Variants in ZNF182 observed in about 807,000 individuals in gnomAD.
ZNF182 encodes the protein zinc finger protein 21 (KOX 14).
Under a neutral mutation model 28.1 loss-of-function variants are expected in ZNF182, and 10 were observed. That is an observed-to-expected ratio of 0.36 (90% confidence interval 0.22 to 0.60). The LOEUF (loss-of-function observed/expected upper bound fraction) is 0.60. Ranked by LOEUF, ZNF182 falls within the 20% of genes least tolerant of loss-of-function variation. ZNF182 has a pLI of 0.75. For synonymous variants in ZNF182, 156 were observed against 158.7 expected, an observed-to-expected ratio of 0.98 and a Z score of 0.13; for missense variants, 352 against 453.2, an observed-to-expected ratio of 0.78 and a Z score of 2.03.
Position 47,986,606 on chromosome X carries a change from T to C in ZNF182, c.16-3195A>G, listed in dbSNP as rs782375212. Among the ~76,000 whole-genome samples, 193 of 112,036 alleles carry C rather than the reference T, an allele frequency of 1.7e-3. 3 individuals are homozygous for C. The Admixed American group carries it at 0.018, about 10-fold the overall frequency. On this transcript the variant is annotated intron_variant, in intron 3 of 5. Transcript: ENST00000376943. ...AGGGGTAGACTTATAATGGTTAATA[T>C]TGAGTGTCAACTTGATTGGATTGAA...
intron 3 of ZNF182, among the ~76,000 whole-genome samples, chrX:47,989,915 G>T (rs1236793881): frequency 9.0e-6 from 1 of 111,285 alleles, no homozygotes; most frequent in Non-Finnish European, 1.9e-5. Flanking sequence ...AGACTGGCCA[G>T]CCCCACTCTT....
At chrX:47,999,934 G>A (rs962539667) in intron 3 of ZNF182, among the ~76,000 whole-genome samples, 10 of 110,102 alleles carry the variant, frequency 9.1e-5, no homozygotes, top group Non-Finnish European at 1.5e-4. Flanking sequence ...TCAGCAGTTC[G>A]AGACCAGCCT....
intron 3 of ZNF182, among the ~76,000 whole-genome samples, chrX:47,993,908 A>T (rs1433147107): frequency 8.9e-6 from 1 of 111,853 alleles, no homozygotes; most frequent in East Asian, 2.8e-4. Context: ...CAGAAGATCC[A>T]AATTCATATC....
chrX:47,994,710 C>T lies in ZNF182; in HGVS notation c.15+7885G>A, dbSNP rs782478084. The stretch of plus-strand genomic sequence containing the variant: ...CTGGAATGCGGTGGTGTGATCTCTG[C>T]GCACTGCAACCTCCGCCTCCCAGGT... On this transcript the variant is annotated intron_variant, in intron 3 of 5. Coordinates refer to ENST00000376943, the MANE Select transcript of ZNF182 (RefSeq NM_001007088.2). 1.6e-4 allele frequency among the ~76,000 whole-genome samples: 18 copies of T among 111,491 alleles called. No homozygotes were observed. The East Asian group carries it at 2.6e-3, about 16-fold the overall frequency.
At chrX:47,991,789 C>T (rs1459784085) in intron 3 of ZNF182, among the ~76,000 whole-genome samples, 3 of 110,883 alleles carry the variant, frequency 2.7e-5, no homozygotes, top group South Asian at 3.8e-4. Flanking sequence ...ACCCCAACAA[C>T]GGAAGGCAAC....
At chrX:47,988,625 C>A in intron 3 of ZNF182, 1 of 375,033 alleles carries the variant, frequency 2.7e-6, no homozygotes, top group South Asian at 6.3e-5. Flanking sequence ...GGACTGTGAG[C>A]CAAATAAACC....
At chrX:48,001,184 T>G (rs1329558663) in intron 3 of ZNF182, among the ~76,000 whole-genome samples, 3 of 112,326 alleles carry the variant, frequency 2.7e-5, no homozygotes, top group Non-Finnish European at 5.6e-5. Context: ...AGTAATCCAA[T>G]ATTTACTCCA....
intron 3 of ZNF182, among the ~76,000 whole-genome samples, chrX:47,995,832 T>C (rs1307022083): frequency 8.9e-6 from 1 of 112,237 alleles, no homozygotes; most frequent in Non-Finnish European, 1.9e-5. Flanking sequence ...GAAACCAGGG[T>C]GTGCAGAAGA....
intron 3 of ZNF182, among the ~76,000 whole-genome samples, chrX:47,999,359 T>A (rs60443213): frequency 0.13 from 3,178 of 24,490 alleles, 81 homozygotes; most frequent in Middle Eastern, 0.24. Context: ...CAAGACTCCA[T>A]CTCAAAAAAA....
In ZNF182 at chrX:47,976,755, G is replaced by A. The variant is rs900500150; in HGVS notation, c.1275C>T (p.Asn425=). Residue 425 remains asparagine, a synonymous_variant, in exon 6 of 6, where the codon AAC becomes AAT. Transcript: ENST00000376943. Reference sequence around the variant, plus strand: ...AATGAGTTCTCTGATGTACACCAAGGTTTGACTTTTGCGTGAAGGTTTTTC... The same window carrying A: ...AATGAGTTCTCTGATGTACACCAAGATTTGACTTTTGCGTGAAGGTTTTTC... ...VCGKTFTQKS[N]LGVHQRTHSG... The A allele has an allele frequency of 5.0e-6, 6 of 1,208,953 alleles. No homozygotes were observed. The African/African-American group carries it at 8.8e-5, about 18-fold the overall frequency.
intron 3 of ZNF182, among the ~76,000 whole-genome samples, chrX:47,995,852 G>A (rs2146471641): frequency 8.9e-6 from 1 of 112,588 alleles, no homozygotes; most frequent in Non-Finnish European, 1.9e-5. Flanking sequence ...AAGTGGAACA[G>A]CATTGTGAAA....
intron 3 of ZNF182, among the ~76,000 whole-genome samples, chrX:47,994,781 G>A (rs1274733667): frequency 1.8e-5 from 2 of 110,526 alleles, no homozygotes; most frequent in Non-Finnish European, 3.8e-5. Flanking sequence ...TGAGATTACA[G>A]GCACCTGCCA....
intron 3 of ZNF182, among the ~76,000 whole-genome samples, chrX:47,989,532 A>C (rs1458091671): frequency 9.2e-6 from 1 of 109,244 alleles, no homozygotes; most frequent in Non-Finnish European, 1.9e-5. Flanking sequence ...CAATCAAACC[A>C]TGAGGAATCT....
chrX:47,979,907 T>TGTG (rs1569408029), intron 5 of ZNF182, among the ~76,000 whole-genome samples: 1 of 73,212 alleles, frequency 1.4e-5, no homozygotes, highest in East Asian at 6.9e-4. Context: ...GTGTGTGTGT[T>TGTG]ATGGTATAAG....
At chrX:48,002,862 T>C (rs994593906) in intron 2 of ZNF182, among the ~76,000 whole-genome samples, 11 of 112,427 alleles carry the variant, frequency 9.8e-5, no homozygotes, top group Non-Finnish European at 2.1e-4. Context: ...ACACATATAT[T>C]AAATTGTGTA....
In ZNF182 at chrX:47,983,307, G is replaced by C. The variant is rs75509461; in HGVS notation, c.120C>G (p.Thr40=). 4.4e-4 allele frequency: 536 copies of C among 1,209,542 alleles called. 3 individuals carry two copies. The African/African-American group carries it at 9.0e-3, about 20-fold the overall frequency. The change falls in exon 4 of 6, where the codon ACC becomes ACG. Residue 40 remains threonine (T), a synonymous_variant. Coordinates refer to ENST00000376943, the MANE Select transcript of ZNF182 (RefSeq NM_001007088.2). ...RTLYRDVMLE[T]YSNLVFVGQQ... The stretch of plus-strand genomic sequence containing the variant: ...TACCCACAAAGACCAAGTTGCTGTA[G>C]GTCTCCAGCATCACGTCTCTGTACA...
intron 3 of ZNF182, among the ~76,000 whole-genome samples, chrX:47,997,432 AT>A (rs2058962959): frequency 9.0e-6 from 1 of 111,100 alleles, no homozygotes; most frequent in South Asian, 3.8e-4. Context: ...GAGTGACCAT[AT>A]TTAATAACAG....
chrX:47,993,510 G>A (rs782655602), intron 3 of ZNF182, among the ~76,000 whole-genome samples: 1 of 111,834 alleles, frequency 8.9e-6, no homozygotes, highest in Admixed American at 9.5e-5. Flanking sequence ...TTGTGGGAAT[G>A]AGCCCTTAAC....
chrX:47,993,900 G>A (rs2058949862), intron 3 of ZNF182, among the ~76,000 whole-genome samples: 1 of 111,377 alleles, frequency 9.0e-6, no homozygotes, highest in African/African-American at 3.3e-5. Flanking sequence ...GACTATAACA[G>A]AAGATCCAAA....
Sources: allele counts gnomAD v4.1 joint callset (sites outside exome capture counted in the v4.1 genomes callset), GRCh38; gene constraint gnomAD v4.1.1; transcripts MANE v1.5; gene names NCBI Gene and HGNC (gene_info 2026-07-23, HGNC 2026-07-21).